Variants in ARMC3 observed in about 807,000 individuals in gnomAD.
ARMC3 encodes the protein armadillo repeat containing 3.
In ARMC3, 74 loss-of-function variants were observed where a neutral mutation model predicts 90.3. The ratio of observed to expected loss-of-function variants is 0.82; its 90% CI spans 0.68 to 0.99. The LOEUF is 0.99. Among genes scored for constraint, ARMC3 ranks in the 50% least tolerant of loss-of-function variants. ARMC3 has a pLI of 0.00. For synonymous variants in ARMC3, 334 were observed against 361.8 expected (o/e 0.92, Z 0.87); for missense variants, 958 against 1,042.8 (o/e 0.92, Z 1.12).
chr10:23,030,924 C>T (rs1838904703), intron 17 of ARMC3, 128 bp downstream of exon 17: 3 of 1,016,288 alleles, frequency 3.0e-6, no homozygotes, highest in Non-Finnish European at 4.1e-6. Context: ...GACTCTGACA[C>T]AGAAACACAA....
At chr10:22,969,515 T>A (rs993361706) in intron 8 of ARMC3, among the ~76,000 whole-genome samples, 1 of 152,222 alleles carries the variant, frequency 6.6e-6, no homozygotes, top group African/African-American at 2.4e-5. Flanking sequence ...AAAGCTTTAA[T>A]GCAGTAAGCA....
At chr10:22,974,232 T>C (rs181942872) in intron 8 of ARMC3, among the ~76,000 whole-genome samples, 204 of 152,242 alleles carry the variant, frequency 1.3e-3, no homozygotes, top group African/African-American at 4.3e-3. Context: ...CTCCTGATGG[T>C]TTTAAAAGAG....
chr10:23,037,384 C>A lies in ARMC3; in HGVS notation c.2524C>A (p.Pro842Thr). Residue 842 changes from proline to threonine, a missense_variant, in exon 19 of 19, where the codon CCC becomes ACC. Coordinates refer to ENST00000298032, the MANE Select transcript of ARMC3 (RefSeq NM_173081.5). ...TCGGAAGGGAGTGATTGGGGGCCTC[C>A]CCGCTCCTGAGATGTACGTGATTGA... is the stretch of plus-strand genomic sequence containing the variant. Reference protein sequence around the residue: ...DSRKGVIGGLPAPEMYVIDLM... With the variant: ...DSRKGVIGGLTAPEMYVIDLM... 1 of 1,613,980 alleles carries A rather than the reference C, an allele frequency of 6.2e-7. No homozygotes were observed. The highest frequency in any genetic ancestry group is 1.1e-5 in the South Asian group (1 of 91,068).
intron 2 of ARMC3, among the ~76,000 whole-genome samples, chr10:22,943,820 C>T (rs1388479154): frequency 1.3e-5 from 2 of 151,958 alleles, no homozygotes; most frequent in East Asian, 3.9e-4. Context: ...GTAATCCCAG[C>T]TACTCAGGAG....
chr10:22,932,990 G>A (rs919402078), intron 2 of ARMC3, among the ~76,000 whole-genome samples: 1 of 152,224 alleles, frequency 6.6e-6, no homozygotes, highest in Non-Finnish European at 1.5e-5. Context: ...TTACATAAAG[G>A]TCTTAGTGCT....
intron 17 of ARMC3, 94 bp from the exon 18 acceptor site, chr10:23,032,767 C>T: frequency 7.9e-7 from 1 of 1,270,236 alleles, no homozygotes; most frequent in Non-Finnish European, 1.1e-6. Context: ...CAGCAAATGT[C>T]ATTTTTACAT....
At chr10:22,931,944 G>C (rs1833947716) in intron 1 of ARMC3, 52 bp from the exon 2 acceptor site, 1 of 1,500,918 alleles carries the variant, frequency 6.7e-7, no homozygotes, top group Non-Finnish European at 9.2e-7. Flanking sequence ...ACAGGTAATT[G>C]AGAAATGTAT....
chr10:23,018,513 A>AGT (rs1838376098), intron 16 of ARMC3, among the ~76,000 whole-genome samples: 2 of 49,480 alleles, frequency 4.0e-5, no homozygotes, highest in Non-Finnish European at 8.3e-5. Context: ...GCACCTTAGT[A>AGT]ATTTTTTTTT....
At chr10:22,951,513 C>T (rs1395431248) in intron 3 of ARMC3, among the ~76,000 whole-genome samples, 1 of 151,564 alleles carries the variant, frequency 6.6e-6, no homozygotes, top group Non-Finnish European at 1.5e-5. Context: ...AGATCATATT[C>T]TAGGCCATAA....
intron 10 of ARMC3, among the ~76,000 whole-genome samples, chr10:22,997,710 A>G (rs2131399459): frequency 6.6e-6 from 1 of 152,304 alleles, no homozygotes; most frequent in South Asian, 2.1e-4. Context: ...TGTTTTCTTA[A>G]TAGCTAGGAA....
At chr10:23,017,899 AAAG>A (rs1209694021) in intron 16 of ARMC3, among the ~76,000 whole-genome samples, 1 of 152,284 alleles carries the variant, frequency 6.6e-6, no homozygotes, top group Non-Finnish European at 1.5e-5. Flanking sequence ...TAACAAAATA[AAAG>A]CTGCAATCAA....
chr10:22,939,282 G>C (rs553581986), intron 2 of ARMC3, among the ~76,000 whole-genome samples: 34 of 152,304 alleles, frequency 2.2e-4, no homozygotes, highest in African/African-American at 7.9e-4. Context: ...TACAGCAATA[G>C]CTCCAGAAAT....
chr10:22,940,687 T>C (rs1834292302), intron 2 of ARMC3, among the ~76,000 whole-genome samples: 1 of 152,154 alleles, frequency 6.6e-6, no homozygotes, highest in Non-Finnish European at 1.5e-5. Flanking sequence ...GGTCTCACTA[T>C]GTTGCCCAGG....
chr10:23,019,566 C>A lies in ARMC3; in HGVS notation c.2045+10635C>A, dbSNP rs1176362966. Among the ~76,000 whole-genome samples, 5 of 152,186 alleles carry A rather than the reference C, an allele frequency of 3.3e-5. No individual in the cohort carries two copies. In the East Asian group the frequency reaches 9.6e-4, roughly 29 times the overall value. Reference sequence around the variant, plus strand: ...TGCTTTGTTTTGTTTTTTTTAGAGACAGGGTCTCACTTTATAGTCTAGGCT... The same window carrying A: ...TGCTTTGTTTTGTTTTTTTTAGAGAAAGGGTCTCACTTTATAGTCTAGGCT... On this transcript the variant is annotated intron_variant, in intron 16 of 18. Transcript: ENST00000298032.
At chr10:22,953,981 C>T (rs561097522) in intron 3 of ARMC3, among the ~76,000 whole-genome samples, 5 of 152,270 alleles carry the variant, frequency 3.3e-5, no homozygotes, top group Middle Eastern at 3.4e-3. Context: ...ATATTCTCAC[C>T]AGCAATTTAT....
intron 8 of ARMC3, among the ~76,000 whole-genome samples, chr10:22,974,319 T>G (rs1588866995): frequency 6.6e-6 from 1 of 152,160 alleles, no homozygotes; most frequent in South Asian, 2.1e-4. Flanking sequence ...CCCCAGAGAT[T>G]AGCAATATTG....
chr10:22,961,769 G>T, intron 6 of ARMC3, 115 bp from the exon 7 acceptor site: 2 of 836,064 alleles, frequency 2.4e-6, no homozygotes, highest in East Asian at 5.8e-5. Context: ...AGGGAATCTG[G>T]AATAAAAGAT....
intron 10 of ARMC3, among the ~76,000 whole-genome samples, chr10:22,994,778 G>A (rs1157920148): frequency 6.6e-6 from 1 of 152,172 alleles, no homozygotes; most frequent in Non-Finnish European, 1.5e-5. Context: ...AGAGAAGGGA[G>A]AGATTTGAGA....
chr10:22,935,883 A>G (rs910220538), intron 2 of ARMC3, among the ~76,000 whole-genome samples: 4 of 152,174 alleles, frequency 2.6e-5, no homozygotes, highest in African/African-American at 9.7e-5. Context: ...AGTTCCTATT[A>G]GATGAATGCT....
Sources: allele counts gnomAD v4.1 joint callset (sites outside exome capture counted in the v4.1 genomes callset), GRCh38; gene constraint gnomAD v4.1.1; transcripts MANE v1.5; gene names NCBI Gene and HGNC (gene_info 2026-07-23, HGNC 2026-07-21).